ACVR1: variants seen among roughly 807,000 people sequenced by gnomAD.
ACVR1 encodes activin receptor type-1.
In ACVR1, 38 loss-of-function variants were observed where a neutral mutation model predicts 57.1. The ratio of observed to expected loss-of-function variants is 0.67; its 90% CI spans 0.51 to 0.87. The LOEUF is 0.87. ACVR1 is among the 40% of genes least tolerant of loss of function. The pLI is 0.00. For missense variants in ACVR1, 463 were observed against 638.2 expected (o/e 0.73, Z 2.96); for synonymous variants, 212 against 228.1 (o/e 0.93, Z 0.63).
intron 1 of ACVR1, among the ~76,000 whole-genome samples, chr2:157,818,941 A>C (rs367943710): frequency 2.7e-5 from 4 of 150,090 alleles, no homozygotes; most frequent in Admixed American, 6.6e-5. Context: ...AGCCGGGCGT[A>C]GTGGCGGGCG....
At chr2:157,805,872 G>A (rs1296030470) in intron 2 of ACVR1, among the ~76,000 whole-genome samples, 1 of 139,640 alleles carries the variant, frequency 7.2e-6, no homozygotes, top group Non-Finnish European at 1.5e-5. Context: ...GGCCCAGGCT[G>A]GAGTGCAGTG....
At chr2:157,798,135 C>T (rs1286720907) in intron 3 of ACVR1, among the ~76,000 whole-genome samples, 6 of 152,162 alleles carry the variant, frequency 3.9e-5, no homozygotes, top group Admixed American at 1.3e-4. Flanking sequence ...ACTATCCCAC[C>T]GAGCATTCAT....
intron 1 of ACVR1, among the ~76,000 whole-genome samples, chr2:157,820,290 G>C (rs898036752): frequency 1.3e-5 from 2 of 152,110 alleles, no homozygotes; most frequent in African/African-American, 2.4e-5. Context: ...AAACAAACTC[G>C]CACCCGCAAA....
At chr2:157,839,619 T>C (rs1328097087) in intron 1 of ACVR1, among the ~76,000 whole-genome samples, 1 of 152,142 alleles carries the variant, frequency 6.6e-6, no homozygotes, top group Non-Finnish European at 1.5e-5. Context: ...GAAAGCTAAT[T>C]GATCTAATGT....
At chr2:157,863,733 T>C (rs1299094116) in intron 1 of ACVR1, among the ~76,000 whole-genome samples, 1 of 151,920 alleles carries the variant, frequency 6.6e-6, no homozygotes, top group African/African-American at 2.4e-5. Context: ...AAAGATTTAG[T>C]AAGTGATTTT....
At chr2:157,868,162 G>A (rs1353704949) in intron 1 of ACVR1, among the ~76,000 whole-genome samples, 1 of 152,072 alleles carries the variant, frequency 6.6e-6, no homozygotes, top group Non-Finnish European at 1.5e-5. Context: ...CTGCATCCCA[G>A]GACACATAGT....
chr2:157,865,530 G>A (rs12466125), intron 1 of ACVR1, among the ~76,000 whole-genome samples: 35,788 of 151,974 alleles, frequency 0.24, 6,350 homozygotes, highest in African/African-American at 0.49. Context: ...GGTGGTTCAC[G>A]CCTGTAATCC....
At chr2:157,860,483 A>AT (rs1313085557) in intron 1 of ACVR1, among the ~76,000 whole-genome samples, 13 of 152,328 alleles carry the variant, frequency 8.5e-5, no homozygotes, top group African/African-American at 3.1e-4. Context: ...CACCCTAGGG[A>AT]TATTCCAGGA....
Position 157,857,228 on chromosome 2 carries a change from C to G in ACVR1, c.-183+18568G>C, listed in dbSNP as rs547744422. ...AAAAAAGAAAGAAAAAGAAAATACACAATTCTGGATATTTCTGGGACTCTG... is the reference window on the plus strand; with the variant it reads ...AAAAAAGAAAGAAAAAGAAAATACAGAATTCTGGATATTTCTGGGACTCTG... On this transcript the variant is annotated intron_variant, in intron 1 of 10. Coordinates refer to ENST00000434821, the MANE Select transcript of ACVR1 (RefSeq NM_001111067.4). Among the ~76,000 whole-genome samples the G allele has an allele frequency of 2.5e-3, 385 of 152,078 alleles. 1 individual carries two copies. The highest frequency in any genetic ancestry group is 8.5e-3 in the African/African-American group (354 of 41,500).
intron 2 of ACVR1, among the ~76,000 whole-genome samples, chr2:157,816,577 A>G (rs1375973271): frequency 2.0e-5 from 3 of 152,016 alleles, no homozygotes; most frequent in Non-Finnish European, 2.9e-5. Context: ...AGCCTAGGCA[A>G]CAGAGTGAGA....
At chr2:157,817,006 C>T (rs987053857) in intron 2 of ACVR1, among the ~76,000 whole-genome samples, 1 of 151,560 alleles carries the variant, frequency 6.6e-6, no homozygotes, top group Non-Finnish European at 1.5e-5. Context: ...GTTGCCCAGT[C>T]TGGGCTGCAG....
At chr2:157,754,901 A>G (rs1288737545) in intron 9 of ACVR1, among the ~76,000 whole-genome samples, 1 of 152,178 alleles carries the variant, frequency 6.6e-6, no homozygotes, top group Non-Finnish European at 1.5e-5. Context: ...TATCAAAAAA[A>G]TAATCCACCA....
chr2:157,776,260 C>T (rs1686283663), intron 5 of ACVR1, among the ~76,000 whole-genome samples: 1 of 152,344 alleles, frequency 6.6e-6, no homozygotes. Flanking sequence ...GCCATTTAAA[C>T]AGTAATTTAT....
chr2:157,757,602 T>A (rs1685485243), intron 9 of ACVR1, among the ~76,000 whole-genome samples: 2 of 151,772 alleles, frequency 1.3e-5, no homozygotes, highest in African/African-American at 4.8e-5. Flanking sequence ...CATATTCAAA[T>A]GTTGAAAGAA....
At chr2:157,791,315 C>CA (rs34033605) in intron 3 of ACVR1, among the ~76,000 whole-genome samples, 1 of 152,204 alleles carries the variant, frequency 6.6e-6, no homozygotes, top group Non-Finnish European at 1.5e-5. Context: ...TCACTTTTCC[C>CA]AAACTCATAA....
chr2:157,850,854 G>C (rs1462383696), intron 1 of ACVR1, among the ~76,000 whole-genome samples: 1 of 152,140 alleles, frequency 6.6e-6, no homozygotes, highest in African/African-American at 2.4e-5. Flanking sequence ...CTACGCAGGA[G>C]GCTGAAACAG....
Position 157,780,533 on chromosome 2 carries a change from C to T in ACVR1, c.135G>A (p.Glu45=). The T allele has an allele frequency of 6.2e-7, 1 of 1,613,904 alleles. No homozygotes were observed. Among genetic ancestry groups the T allele is most frequent in the South Asian group, 1.1e-5 (1 of 91,066 alleles). ...AGCACTGCTGGCCTTCACAGTGGTC[C>T]TCATTACCGCAGGAGAGACCTTCAC... ...CVCEGLSCGN[E]DHCEGQQCFS... Residue 45 remains glutamate (E), a synonymous_variant, in exon 4 of 11, where the codon GAG becomes GAA. Transcript: ENST00000434821.
chr2:157,782,413 A>C (rs1446988294), intron 3 of ACVR1, among the ~76,000 whole-genome samples: 2 of 152,250 alleles, frequency 1.3e-5, no homozygotes, highest in African/African-American at 4.8e-5. Context: ...AAGAGCCCTC[A>C]AACATTCTTA....
At chr2:157,765,874 A>C (rs1685843717) in intron 8 of ACVR1, 47 bp downstream of exon 8, 1 of 1,602,102 alleles carries the variant, frequency 6.2e-7, no homozygotes, top group East Asian at 2.2e-5. Flanking sequence ...CTAACCATTG[A>C]AACAAAAATA....
Sources: gnomAD v4.1 joint callset for allele counts (sites outside exome capture counted in the v4.1 genomes callset) on GRCh38, gnomAD v4.1.1 for gene constraint, MANE v1.5 for transcripts, NCBI Gene and HGNC (gene_info 2026-07-23, HGNC 2026-07-21) for gene names.